CALCR: variants seen among roughly 807,000 people sequenced by gnomAD.
CALCR encodes the protein calcitonin receptor.
In CALCR, 47 loss-of-function variants were observed where a neutral mutation model predicts 59.5. The observed-to-expected ratio is 0.79, with a 90% CI of 0.63 to 1.01. The LOEUF (loss-of-function observed/expected upper bound fraction) is 1.01. Ranked by LOEUF, CALCR falls within the 50% of genes least tolerant of loss-of-function variation. The pLI is 0.00. For synonymous variants in CALCR, 213 were observed against 211.3 expected (o/e 1.01, Z -0.07); for missense variants, 566 against 597.1 (o/e 0.95, Z 0.54).
chr7:93,468,601 A>G (rs1800487072), intron 7 of CALCR, 114 bp downstream of exon 7: 1 of 621,814 alleles, frequency 1.6e-6, no homozygotes, highest in Non-Finnish European at 2.8e-6. Flanking sequence ...CTAATGTTGC[A>G]TGTCGCTTGT....
At position 93,552,804 on chromosome 7, in the gene CALCR, G is replaced by C. The variant is rs566833389; in HGVS notation, c.-27+21485C>G. 6.5e-4 allele frequency among the ~76,000 whole-genome samples: 99 copies of C among 152,288 alleles called. 1 individual carries two copies. The highest frequency in any genetic ancestry group is 2.3e-3 in the African/African-American group (95 of 41,572). ...AAGAAATTGACAGAGCTCATAGGAA[G>C]AAATGCTCAAGTAGAGTTCCCCTCT... On this transcript the variant is annotated intron_variant, in intron 2 of 13. Transcript: ENST00000426151.
At chr7:93,570,555 C>T (rs1167167661) in intron 2 of CALCR, among the ~76,000 whole-genome samples, 1 of 152,064 alleles carries the variant, frequency 6.6e-6, no homozygotes, top group Non-Finnish European at 1.5e-5. Context: ...AGAAATAACT[C>T]CTTGAGTTTA....
chr7:93,435,488 A>T (rs1799752173), intron 12 of CALCR, among the ~76,000 whole-genome samples: 1 of 152,140 alleles, frequency 6.6e-6, no homozygotes, highest in Admixed American at 6.6e-5. Flanking sequence ...GGCTGGGCTT[A>T]TTGAATTGGA....
intron 2 of CALCR, among the ~76,000 whole-genome samples, chr7:93,554,373 C>G (rs1024667221): frequency 2.6e-5 from 4 of 151,958 alleles, no homozygotes; most frequent in African/African-American, 9.7e-5. Flanking sequence ...GTTTCTATTT[C>G]TTATAGAATA....
chr7:93,571,933 A>G (rs966283705), intron 2 of CALCR, among the ~76,000 whole-genome samples: 1 of 152,178 alleles, frequency 6.6e-6, no homozygotes, highest in Non-Finnish European at 1.5e-5. Flanking sequence ...CTCTTTCAAA[A>G]GGGTACGTAT....
Position 93,479,403 on chromosome 7 carries a change from C to T in CALCR, c.156G>A (p.Gln52=). Residue 52 remains glutamine (Q), a synonymous_variant, in exon 4 of 14, where the codon CAG becomes CAA. Transcript: ENST00000426151. ...VVGRKKMMDA[Q]YKCYDRMQQL... ...GCTGCATTCGGTCATAGCATTTGTA[C>T]TGTGCATCCATCATCTTCTTTCGTC... is the stretch of plus-strand genomic sequence containing the variant. The T allele has an allele frequency of 1.2e-6, 2 of 1,612,490 alleles. No individual in the cohort carries two copies. The highest frequency in any genetic ancestry group is 1.7e-6 in the Non-Finnish European group (2 of 1,179,026).
At chr7:93,453,031 A>C (rs908520138) in intron 8 of CALCR, among the ~76,000 whole-genome samples, 2 of 152,072 alleles carry the variant, frequency 1.3e-5, no homozygotes, top group South Asian at 4.1e-4. Context: ...AAGCCTCTAC[A>C]TATGTGTATT....
chr7:93,467,932 C>A (rs546124422), intron 7 of CALCR, among the ~76,000 whole-genome samples: 14 of 151,060 alleles, frequency 9.3e-5, no homozygotes, highest in Non-Finnish European at 1.5e-4. Context: ...TTTACTGAAC[C>A]GTGGTGTGTC....
At chr7:93,525,737 T>C (rs1238656172) in intron 2 of CALCR, among the ~76,000 whole-genome samples, 1 of 152,208 alleles carries the variant, frequency 6.6e-6, no homozygotes, top group Non-Finnish European at 1.5e-5. Flanking sequence ...TCTTAAATTG[T>C]GATTTCCTTG....
chr7:93,468,664 T>C, intron 7 of CALCR, 51 bp downstream of exon 7: 1 of 1,299,180 alleles, frequency 7.7e-7, no homozygotes, highest in Non-Finnish European at 1.1e-6. Flanking sequence ...CACCATTCGT[T>C]TCAGTAACTT....
At chr7:93,532,876 C>A (rs1263592955) in intron 2 of CALCR, among the ~76,000 whole-genome samples, 1 of 139,450 alleles carries the variant, frequency 7.2e-6, no homozygotes, top group African/African-American at 3.1e-5. Context: ...CTTACTCAAC[C>A]CTAACTACTT....
chr7:93,474,007 A>G (rs1325811228), intron 5 of CALCR, among the ~76,000 whole-genome samples: 2 of 151,736 alleles, frequency 1.3e-5, no homozygotes, highest in African/African-American at 4.8e-5. Flanking sequence ...AATTCACACT[A>G]AAATATTAGG....
At chr7:93,477,961 C>CAAAAAAAAAAAAAAAA (rs71107894) in intron 4 of CALCR, among the ~76,000 whole-genome samples, 6 of 54,398 alleles carry the variant, frequency 1.1e-4, no homozygotes, top group African/African-American at 4.2e-4. Context: ...GACCCTCTCT[C>CAAAAAAAAAAAAAAAA]AAAAAAAAAA....
At chr7:93,489,186 G>A (rs184385097) in intron 2 of CALCR, among the ~76,000 whole-genome samples, 1 of 151,994 alleles carries the variant, frequency 6.6e-6, no homozygotes, top group Non-Finnish European at 1.5e-5. Context: ...ATGAAATTCA[G>A]GCAGAAATCA....
chr7:93,507,231 A>AAC (rs34181575), intron 2 of CALCR, among the ~76,000 whole-genome samples: 2,228 of 149,928 alleles, frequency 0.015, 55 homozygotes, highest in South Asian at 0.096. Flanking sequence ...TTCCTTGTTG[A>AAC]ACACACACAC....
At chr7:93,443,004 G>A (rs1799941377) in intron 9 of CALCR, among the ~76,000 whole-genome samples, 1 of 152,088 alleles carries the variant, frequency 6.6e-6, no homozygotes, top group Non-Finnish European at 1.5e-5. Context: ...CCCTGCCTTA[G>A]TTTGTACGGA....
At chr7:93,457,131 G>C (rs1181503622) in intron 8 of CALCR, among the ~76,000 whole-genome samples, 2 of 152,106 alleles carry the variant, frequency 1.3e-5, no homozygotes, top group African/African-American at 4.8e-5. Flanking sequence ...ACAATAATGA[G>C]ACTGCCAAGA....
chr7:93,566,170 T>C (rs546270385), intron 2 of CALCR, among the ~76,000 whole-genome samples: 5 of 152,208 alleles, frequency 3.3e-5, no homozygotes, highest in Non-Finnish European at 5.9e-5. Context: ...TTACTTGATG[T>C]CTGCCTACTT....
chr7:93,560,829 T>G (rs1015771134), intron 2 of CALCR, among the ~76,000 whole-genome samples: 8 of 152,160 alleles, frequency 5.3e-5, no homozygotes, highest in African/African-American at 1.9e-4. Context: ...GCTTGGGGGA[T>G]GCAGATAGAA....
Sources: allele counts gnomAD v4.1 joint callset (sites outside exome capture counted in the v4.1 genomes callset), GRCh38; gene constraint gnomAD v4.1.1; transcripts MANE v1.5; gene names NCBI Gene and HGNC (gene_info 2026-07-23, HGNC 2026-07-21).